Variants in RIMS1 observed in about 807,000 individuals in gnomAD.
The protein encoded by RIMS1 is regulating synaptic membrane exocytosis 1, also known as regulating synaptic membrane exocytosis protein 1.
A neutral mutation model predicts 214.1 loss-of-function variants in RIMS1; 83 were observed. The observed-to-expected ratio is 0.39, with a 90% CI of 0.32 to 0.47. The LOEUF (loss-of-function observed/expected upper bound fraction) is 0.47. Among genes scored for constraint, RIMS1 ranks in the 20% least tolerant of loss-of-function variants. The probability of loss-of-function intolerance (pLI) is 0.99; values close to 1 mark genes in which losing one functional copy is unlikely to be tolerated. For missense variants in RIMS1, 2,050 were observed against 2,161.8 expected (o/e 0.95, Z 1.03); for synonymous variants, 793 against 786.8 (o/e 1.01, Z -0.13).
intron 4 of RIMS1, among the ~76,000 whole-genome samples, chr6:72,144,433 G>T (rs546171154): frequency 3.3e-5 from 5 of 152,096 alleles, no homozygotes; most frequent in Non-Finnish European, 7.3e-5. Context: ...CACTTTGCCC[G>T]CTGGGGTCCT....
intron 4 of RIMS1, among the ~76,000 whole-genome samples, chr6:72,165,050 C>T (rs1254994284): frequency 6.6e-6 from 1 of 152,126 alleles, no homozygotes; most frequent in Non-Finnish European, 1.5e-5. Flanking sequence ...GCTTCTGCTC[C>T]ATACTCTATA....
intron 2 of RIMS1, among the ~76,000 whole-genome samples, chr6:72,060,336 A>C (rs150956670): frequency 1.6e-4 from 25 of 152,148 alleles, no homozygotes; most frequent in Middle Eastern, 3.4e-3. Flanking sequence ...CGATCTAAAC[A>C]CTATTTCAGT....
intron 29 of RIMS1, among the ~76,000 whole-genome samples, chr6:72,374,206 C>A (rs369457615): frequency 1.2e-4 from 18 of 152,358 alleles, no homozygotes; most frequent in African/African-American, 3.8e-4. Context: ...AGCCACTGCG[C>A]CTGGCCCTAA....
intron 6 of RIMS1, among the ~76,000 whole-genome samples, chr6:72,218,625 C>T (rs1417089361): frequency 6.6e-6 from 1 of 152,040 alleles, no homozygotes; most frequent in Non-Finnish European, 1.5e-5. Context: ...TAATAATTGC[C>T]AGTTTATAAT....
At chr6:72,352,862 C>T (rs2097504791) in intron 29 of RIMS1, among the ~76,000 whole-genome samples, 1 of 151,972 alleles carries the variant, frequency 6.6e-6, no homozygotes, top group Non-Finnish European at 1.5e-5. Flanking sequence ...GACTTAGCAA[C>T]CACTTACTAT....
chr6:71,922,744 G>A (rs1310041927), intron 1 of RIMS1, among the ~76,000 whole-genome samples: 1 of 152,140 alleles, frequency 6.6e-6, no homozygotes, highest in East Asian at 1.9e-4. Context: ...TCCTATGAGA[G>A]GAGTATTTAG....
chr6:72,401,932 C>CT lies in RIMS1; in HGVS notation c.*1223dup, dbSNP rs2098837600. ...TGATTTTTTAATGCAAAGTATCTTACTTTTTGGGGGGAAAATAAACAAAAT... is the reference window on the plus strand; with the variant it reads ...TGATTTTTTAATGCAAAGTATCTTACTTTTTTGGGGGGAAAATAAACAAAAT... On this transcript the variant is annotated 3_prime_UTR_variant, in exon 34 of 34. Transcript: ENST00000521978. The CT allele has an allele frequency of 6.6e-6, 1 of 152,574 alleles. No individual in the cohort carries two copies. Among genetic ancestry groups the CT allele is most frequent in the African/African-American group, 2.4e-5 (1 of 41,430 alleles). The allele number at this position is 152,574 out of a possible 1,614,324, so 9.5% of individuals were successfully genotyped here.
chr6:72,145,202 A>G (rs62408080), intron 4 of RIMS1, among the ~76,000 whole-genome samples: 32,343 of 152,162 alleles, frequency 0.21, 4,098 homozygotes, highest in Non-Finnish European at 0.27. Flanking sequence ...GGAATCTCAG[A>G]TAAGACCTTT....
intron 16 of RIMS1, among the ~76,000 whole-genome samples, chr6:72,255,765 CG>C (rs2075548666): frequency 1.3e-5 from 2 of 152,154 alleles, no homozygotes; most frequent in Admixed American, 6.6e-5. Flanking sequence ...CAGCCGGGCA[CG>C]GTGGCTCACG....
chr6:72,116,287 GTCA>G (rs1330063681), intron 4 of RIMS1, among the ~76,000 whole-genome samples: 1 of 151,960 alleles, frequency 6.6e-6, no homozygotes, highest in East Asian at 1.9e-4. Context: ...GGTAACAAGA[GTCA>G]TCAAGATGTG....
At chr6:71,978,414 T>G (rs1797692741) in intron 2 of RIMS1, among the ~76,000 whole-genome samples, 1 of 152,080 alleles carries the variant, frequency 6.6e-6, no homozygotes, top group South Asian at 2.1e-4. Context: ...TATTTAAAAT[T>G]TTTTATTGTG....
intron 7 of RIMS1, among the ~76,000 whole-genome samples, chr6:72,234,839 T>G (rs1056706047): frequency 1.1e-4 from 17 of 152,078 alleles, no homozygotes; most frequent in Non-Finnish European, 1.5e-4. Context: ...TTGTTCAGAT[T>G]TGCTTCTTTC....
At chr6:72,188,225 T>A (rs2153977510) in intron 6 of RIMS1, among the ~76,000 whole-genome samples, 1 of 152,258 alleles carries the variant, frequency 6.6e-6, no homozygotes, top group East Asian at 1.9e-4. Context: ...CATCCTTCAA[T>A]CCTGTCAAGT....
chr6:72,180,108 A>G (rs1039930374), intron 5 of RIMS1, among the ~76,000 whole-genome samples, 193 bp downstream of exon 5: 6 of 152,178 alleles, frequency 3.9e-5, no homozygotes, highest in Non-Finnish European at 8.8e-5. Context: ...TGTTGAAAGC[A>G]TTTCTTTCAT....
At chr6:72,330,532 G>C (rs1173419354) in intron 28 of RIMS1, among the ~76,000 whole-genome samples, 1 of 151,670 alleles carries the variant, frequency 6.6e-6, no homozygotes, top group Non-Finnish European at 1.5e-5. Context: ...GGTGCATAAA[G>C]TGCATGCTGT....
intron 1 of RIMS1, among the ~76,000 whole-genome samples, chr6:71,936,348 A>G (rs867857004): frequency 0.025 from 3,684 of 149,720 alleles, 71 homozygotes; most frequent in Admixed American, 0.042. Context: ...AAAAAAAAAA[A>G]AAAAGAAAAG....
chr6:72,341,003 C>T (rs1381765131), intron 29 of RIMS1, among the ~76,000 whole-genome samples: 2 of 151,950 alleles, frequency 1.3e-5, no homozygotes, highest in Non-Finnish European at 2.9e-5. Context: ...CTTCACATCC[C>T]TTGTAAGTTG....
intron 22 of RIMS1, among the ~76,000 whole-genome samples, chr6:72,269,697 A>C (rs1382467039): frequency 1.3e-5 from 2 of 152,180 alleles, no homozygotes; most frequent in African/African-American, 4.8e-5. Context: ...TTCCTTCGGA[A>C]CAGGTCCCTC....
intron 1 of RIMS1, among the ~76,000 whole-genome samples, chr6:71,946,991 C>T (rs544522874): frequency 6.6e-6 from 1 of 152,110 alleles, no homozygotes; most frequent in African/African-American, 2.4e-5. Flanking sequence ...CCTAAACAAA[C>T]ATTTCTCAAA....
Sources: gnomAD v4.1 joint callset for allele counts (sites outside exome capture counted in the v4.1 genomes callset) on GRCh38, gnomAD v4.1.1 for gene constraint, MANE v1.5 for transcripts, NCBI Gene and HGNC (gene_info 2026-07-23, HGNC 2026-07-21) for gene names.